The following NPFFR1 variants were observed in gnomAD, a reference collection of about 807,000 sequenced individuals.
NPFFR1 encodes G-protein coupled receptor 147.
In NPFFR1, 17 loss-of-function variants were observed where a neutral mutation model predicts 12.7. The observed-to-expected ratio is 1.34, with a 90% CI of 0.92 to 2.01. The LOEUF (loss-of-function observed/expected upper bound fraction) is 2.01, where lower values mean the gene tolerates loss of function less well. Among genes scored for constraint, NPFFR1 ranks in the 30% most tolerant of loss-of-function variants. NPFFR1 has a pLI of 0.00. For synonymous variants in NPFFR1, 296 were observed against 264.5 expected, an observed-to-expected ratio of 1.12 and a Z score of -1.16; for missense variants, 604 against 606.5, an observed-to-expected ratio of 1.00 and a Z score of 0.04.
chr10:70,255,339 T>C lies in NPFFR1; in HGVS notation c.911A>G (p.His304Arg). 1 of 1,574,398 alleles carries C rather than the reference T, an allele frequency of 6.4e-7. No homozygotes were observed. Among genetic ancestry groups the C allele is most frequent in the Non-Finnish European group, 8.6e-7 (1 of 1,164,366 alleles). The change falls in exon 4 of 4, where the codon CAC (histidine) becomes CGC (arginine). Residue 304 changes from histidine to arginine, a missense_variant. By Grantham distance (29) the His-to-Arg change is conservative. Transcript: ENST00000277942. The surrounding 1 kb of genome is among the most constrained non-coding windows in gnomAD (Gnocchi z 4.2). The stretch of plus-strand genomic sequence containing the variant: ...GGGGAAGGCGTAGACGGTGACCAGG[T>C]GCAGCTGCGGCGCGCTGAGCTGCCC... ...DYGQLSAPQL[H>R]LVTVYAFPFA...
chr10:70,266,060 C>T lies in NPFFR1; in HGVS notation c.322+17G>A. On this transcript the variant is annotated intron_variant, in intron 2 of 3. Transcript: ENST00000277942. ...GGGGGGTAGGGGACACTCCTGCTGC[C>T]AACTGCCCGCACTCACCAGTGATGA... is the stretch of plus-strand genomic sequence containing the variant. 6.2e-7 allele frequency: 1 copy of T among 1,608,308 alleles called. No individual in the cohort carries two copies. The highest frequency in any genetic ancestry group is 8.5e-7 in the Non-Finnish European group (1 of 1,176,312).
intron 2 of NPFFR1, among the ~76,000 whole-genome samples, chr10:70,265,091 C>A (rs1178709885): frequency 6.6e-6 from 1 of 152,166 alleles, no homozygotes; most frequent in Non-Finnish European, 1.5e-5. Context: ...GTAACGGTTC[C>A]ACCAGACAGA....
chr10:70,259,288 C>T (rs1049905289), intron 3 of NPFFR1, among the ~76,000 whole-genome samples: 3 of 144,596 alleles, frequency 2.1e-5, no homozygotes, highest in African/African-American at 7.9e-5. Flanking sequence ...TGTCTCCCCC[C>T]TCAAAAAAAA....
Position 70,252,382 on chromosome 10 carries a change from G to C in NPFFR1, c.*2575C>G, listed in dbSNP as rs1840519871. On this transcript the variant is annotated 3_prime_UTR_variant, in exon 4 of 4. Coordinates refer to ENST00000277942, the MANE Select transcript of NPFFR1 (RefSeq NM_022146.5). ...GTTACCAGGGGCTAGGAGGAGAGGG[G>C]ATGCGGTGATATTGTTTATAGATAC... is the stretch of plus-strand genomic sequence containing the variant. 6.6e-6 allele frequency: 1 copy of C among 152,188 alleles called. No homozygotes were observed. The highest frequency in any genetic ancestry group is 1.5e-5 in the Non-Finnish European group (1 of 68,044). 9.4% of individuals were successfully genotyped at this position (152,188 alleles called of 1,614,324 possible).
At chr10:70,265,349 T>A (rs1315148863) in intron 2 of NPFFR1, among the ~76,000 whole-genome samples, 1 of 152,008 alleles carries the variant, frequency 6.6e-6, no homozygotes, top group Non-Finnish European at 1.5e-5. Flanking sequence ...CTCAGGTTGG[T>A]GGAAACTTGA....
At chr10:70,263,183 A>G (rs1003180820) in intron 2 of NPFFR1, among the ~76,000 whole-genome samples, 1 of 152,132 alleles carries the variant, frequency 6.6e-6, no homozygotes, top group African/African-American at 2.4e-5. Context: ...AAGCAACAAC[A>G]ACAACAACAA....
In NPFFR1 at chr10:70,255,548, G is replaced by T. The variant is rs769514525; in HGVS notation, c.702C>A (p.Val234=). 4 of 1,550,374 alleles carry T rather than the reference G, an allele frequency of 2.6e-6. No homozygotes were observed. The African/African-American group carries it at 5.5e-5, about 21-fold the overall frequency. ...IYLAPLALIV[V]MYARIARKLC... is the part of the protein sequence containing the mutation. The stretch of plus-strand genomic sequence containing the variant: ...GCTTGCGCGCGATGCGGGCGTACAT[G>T]ACCACGATGAGCGCCAGCGGCGCCA... The change falls in exon 4 of 4, where the codon GTC becomes GTA. Residue 234 remains valine, a synonymous_variant. Transcript: ENST00000277942. This position sits in a 1 kb window ranked among gnomAD's most constrained non-coding sequence, Gnocchi z 4.2.
At chr10:70,267,535 C>T (rs1402258081) in intron 1 of NPFFR1, among the ~76,000 whole-genome samples, 1 of 152,200 alleles carries the variant, frequency 6.6e-6, no homozygotes, top group Non-Finnish European at 1.5e-5. Flanking sequence ...TGCAGCACAG[C>T]TGGCCCTGCT....
Position 70,250,898 on chromosome 10 carries a change from T to C in NPFFR1, c.*4059A>G, listed in dbSNP as rs555411969. ...AAAGCTGTTCCAAGAATGTTAAATATATTGAGAGATATATGCACAGAAAAG... is the reference window on the plus strand; with the variant it reads ...AAAGCTGTTCCAAGAATGTTAAATACATTGAGAGATATATGCACAGAAAAG... On this transcript the variant is annotated 3_prime_UTR_variant, in exon 4 of 4. Coordinates refer to ENST00000277942, the MANE Select transcript of NPFFR1 (RefSeq NM_022146.5). 6.6e-6 allele frequency: 1 copy of C among 152,296 alleles called. No homozygotes were observed. The highest frequency in any genetic ancestry group is 1.9e-4 in the East Asian group (1 of 5,188). 9.4% of individuals were successfully genotyped at this position (152,296 alleles called of 1,614,324 possible).
At position 70,266,399 on chromosome 10, in the gene NPFFR1, C is replaced by A. The variant is rs574267280; in HGVS notation, c.8-8G>T. ...GAGGCTGGGAGGGCTCCCCTAGGAC[C>A]AAAGGAATATATTGGTCAGGACCTT... On this transcript the variant is annotated splice_region_variant and splice_polypyrimidine_tract_variant and intron_variant, in intron 1 of 3. Transcript: ENST00000277942. 1.2e-6 allele frequency: 2 copies of A among 1,605,884 alleles called. No individual in the cohort carries two copies. The highest frequency in any genetic ancestry group is 2.2e-5 in the East Asian group (1 of 44,802).
At chr10:70,263,852 C>A (rs1840659642) in intron 2 of NPFFR1, among the ~76,000 whole-genome samples, 1 of 152,152 alleles carries the variant, frequency 6.6e-6, no homozygotes, top group African/African-American at 2.4e-5. Flanking sequence ...TGCCTCACTC[C>A]TGTAATCCCA....
At chr10:70,276,398 T>C (rs1840804770) in intron 1 of NPFFR1, among the ~76,000 whole-genome samples, 1 of 152,170 alleles carries the variant, frequency 6.6e-6, no homozygotes, top group African/African-American at 2.4e-5. Context: ...GATAAACTTG[T>C]TCACATGGAT....
chr10:70,259,373 G>T (rs1840611252), intron 3 of NPFFR1, among the ~76,000 whole-genome samples: 1 of 152,166 alleles, frequency 6.6e-6, no homozygotes, highest in Non-Finnish European at 1.5e-5. Flanking sequence ...GGCTATGAAT[G>T]CAATAGCAGT....
chr10:70,259,018 G>A (rs1372458321), intron 3 of NPFFR1, among the ~76,000 whole-genome samples: 1 of 152,192 alleles, frequency 6.6e-6, no homozygotes, highest in Non-Finnish European at 1.5e-5. Flanking sequence ...GAAAGCTCCA[G>A]AGAATAGTGG....
At chr10:70,265,223 G>C (rs1304792473) in intron 2 of NPFFR1, among the ~76,000 whole-genome samples, 2 of 152,178 alleles carry the variant, frequency 1.3e-5, no homozygotes, top group African/African-American at 4.8e-5. Flanking sequence ...GAATAGGGCT[G>C]TCCAGGCTCT....
intron 1 of NPFFR1, among the ~76,000 whole-genome samples, chr10:70,283,343 G>GTCTCTC (rs35152338): frequency 6.8e-6 from 1 of 146,888 alleles, no homozygotes; most frequent in Non-Finnish European, 1.5e-5. Flanking sequence ...CTCTGTCTCT[G>GTCTCTC]TCTCTCTCTC....
At chr10:70,279,589 A>G (rs1328206853) in intron 1 of NPFFR1, among the ~76,000 whole-genome samples, 2 of 151,980 alleles carry the variant, frequency 1.3e-5, no homozygotes, top group Non-Finnish European at 2.9e-5. Context: ...CTTCCCGAGT[A>G]GCTGGGATTA....
intron 2 of NPFFR1, among the ~76,000 whole-genome samples, chr10:70,260,947 C>A (rs7079868): frequency 0.069 from 10,460 of 152,106 alleles, 355 homozygotes; most frequent in East Asian, 0.11. Flanking sequence ...GTCATCCCCT[C>A]GTTTATACAG....
chr10:70,255,701 G>A lies in NPFFR1; in HGVS notation c.549C>T (p.Thr183=), dbSNP rs1840562615. 1.9e-6 allele frequency: 3 copies of A among 1,607,102 alleles called. No homozygotes were observed. The African/African-American group carries it at 4.0e-5, about 21-fold the overall frequency. Residue 183 remains threonine (T), a synonymous_variant, in exon 4 of 4, where the codon ACC becomes ACT. Coordinates refer to ENST00000277942, the MANE Select transcript of NPFFR1 (RefSeq NM_022146.5). The surrounding 1 kb of genome is among the most constrained non-coding windows in gnomAD (Gnocchi z 4.2). ...MCPSAVTLTV[T]REEHHFMVDA... ...CCACCATGAAGTGGTGCTCCTCACG[G>A]GTGACGGTCAGCGTGACGGCCGAGG...
Sources: allele counts gnomAD v4.1 joint callset (sites outside exome capture counted in the v4.1 genomes callset), GRCh38; gene constraint gnomAD v4.1.1; non-coding constraint Gnocchi (gnomAD v3.1); transcripts MANE v1.5; gene names NCBI Gene and HGNC (gene_info 2026-07-23, HGNC 2026-07-21).